The following HERC5 variants were observed in gnomAD, a reference collection of about 807,000 sequenced individuals.
HERC5 encodes HECT and RLD domain containing E3 ubiquitin protein ligase 5.
HERC5 carries 99 observed loss-of-function variants against 119.6 expected under a neutral mutation model. That is an observed-to-expected ratio of 0.83 (90% CI 0.70 to 0.98). The LOEUF is 0.98. Ranked by LOEUF, HERC5 falls within the 50% of genes least tolerant of loss-of-function variation. HERC5 has a pLI of 0.00. For missense variants in HERC5, 1,267 were observed against 1,241.3 expected (o/e 1.02, Z -0.31); for synonymous variants, 478 against 445.9 (o/e 1.07, Z -0.91).
chr4:88,501,117 T>C (rs2149109506), intron 20 of HERC5, 132 bp downstream of exon 20: 2 of 606,338 alleles, frequency 3.3e-6, no homozygotes, highest in Admixed American at 6.8e-5. Context: ...GAAGTTGGTG[T>C]GTGTTGTATG....
At chr4:88,492,418 T>C (rs1301167701) in intron 16 of HERC5, among the ~76,000 whole-genome samples, 2 of 152,068 alleles carry the variant, frequency 1.3e-5, no homozygotes, top group Non-Finnish European at 2.9e-5. Context: ...GTAAAAACTT[T>C]AGGCTCTGGG....
chr4:88,500,919 A>T lies in HERC5; in HGVS notation c.2516A>T (p.His839Leu). Residue 839 changes from histidine to leucine, a missense_variant, in exon 20 of 23, where the codon CAC (histidine) becomes CTC (leucine). Around this residue, in one of 3 missense-constraint regions of HERC5, gnomAD observed 473 missense variants for 445.7 expected, o/e 1.06. Coordinates refer to ENST00000264350, the MANE Select transcript of HERC5 (RefSeq NM_016323.4). Reference sequence around the variant, plus strand: ...TGAGTTCATTTGCGGTTACAGGTGCACTGGGACAGAAACGACACAAACTTA... The same window carrying T: ...TGAGTTCATTTGCGGTTACAGGTGCTCTGGGACAGAAACGACACAAACTTA... ...EEVFYIHFNVHWDRNDTNLIP... is the reference protein window; with the variant it reads ...EEVFYIHFNVLWDRNDTNLIP... The T allele has an allele frequency of 6.2e-7, 1 of 1,611,264 alleles. No individual in the cohort carries two copies. The highest frequency in any genetic ancestry group is 8.5e-7 in the Non-Finnish European group (1 of 1,178,680).
At chr4:88,503,477 A>C (rs914137428) in intron 20 of HERC5, among the ~76,000 whole-genome samples, 1 of 152,166 alleles carries the variant, frequency 6.6e-6, no homozygotes, top group Non-Finnish European at 1.5e-5. Flanking sequence ...AGTTACTAGG[A>C]GAGGTATATT....
chr4:88,497,079 C>T (rs1182602822), intron 18 of HERC5, among the ~76,000 whole-genome samples: 1 of 152,166 alleles, frequency 6.6e-6, no homozygotes, highest in Non-Finnish European at 1.5e-5. Context: ...TCCAAGCCTC[C>T]AGAACCGTGA....
rs771104355 is a variant in HERC5, at chr4:88,463,593, T to C, written c.750T>C (p.Cys250=). The C allele has an allele frequency of 3.1e-6, 5 of 1,613,688 alleles. No individual in the cohort carries two copies. Among genetic ancestry groups the C allele is most frequent in the Non-Finnish European group, 4.2e-6 (5 of 1,179,882 alleles). ...LDNQKVEFVA[C]GGSHSALLTQ... The stretch of plus-strand genomic sequence containing the variant: ...ATCAGAAAGTTGAATTTGTCGCTTG[T>C]GGTGGCTCTCACAGTGCCCTACTCA... The change falls in exon 5 of 23, where the codon TGT becomes TGC. Residue 250 remains cysteine, a synonymous_variant. Transcript: ENST00000264350.
intron 11 of HERC5, 47 bp downstream of exon 11, chr4:88,472,549 T>C (rs753049034): frequency 9.1e-7 from 1 of 1,100,178 alleles, no homozygotes; most frequent in East Asian, 2.4e-5. Context: ...CCAGAATATT[T>C]CTTAAAAGAA....
In HERC5 at chr4:88,462,150, C is replaced by G; in HGVS notation, c.482C>G (p.Ala161Gly). 6.2e-7 allele frequency: 1 copy of G among 1,613,638 alleles called. No homozygotes were observed. The highest frequency in any genetic ancestry group is 8.5e-7 in the Non-Finnish European group (1 of 1,179,864). The change falls in exon 4 of 23, where the codon GCC (alanine) becomes GGC (glycine). Residue 161 changes from alanine to glycine, a missense_variant. Coordinates refer to ENST00000264350, the MANE Select transcript of HERC5 (RefSeq NM_016323.4). ...LALSKGGELFAWGQNLHGQLG... is the reference protein window; with the variant it reads ...LALSKGGELFGWGQNLHGQLG... ...TTATGTCAAGGTGGTGAGCTTTTTG[C>G]CTGGGGACAGAACCTGCATGGGCAG...
chr4:88,486,992 G>T (rs1240672556), intron 14 of HERC5, 77 bp from the exon 15 acceptor site: 2 of 913,294 alleles, frequency 2.2e-6, no homozygotes, highest in African/African-American at 3.3e-5. Flanking sequence ...AACCATCAGG[G>T]ATGTAAGGCT....
chr4:88,495,004 T>G (rs1741757715), intron 18 of HERC5, among the ~76,000 whole-genome samples: 1 of 152,338 alleles, frequency 6.6e-6, no homozygotes, highest in South Asian at 2.1e-4. Flanking sequence ...TATAAATTGG[T>G]ACTCCTTTTC....
intron 12 of HERC5, among the ~76,000 whole-genome samples, chr4:88,477,989 C>T (rs1194470225): frequency 6.6e-6 from 1 of 152,198 alleles, no homozygotes; most frequent in East Asian, 1.9e-4. Context: ...ACTATTTCAT[C>T]TGCACAAAGA....
At chr4:88,475,484 A>G (rs1560604441) in intron 11 of HERC5, among the ~76,000 whole-genome samples, 1 of 151,780 alleles carries the variant, frequency 6.6e-6, no homozygotes, top group Non-Finnish European at 1.5e-5. Flanking sequence ...ACGCCCAGCT[A>G]ATTTTCATAT....
chr4:88,490,929 C>A (rs1741615417), intron 16 of HERC5, among the ~76,000 whole-genome samples: 1 of 152,098 alleles, frequency 6.6e-6, no homozygotes, highest in African/African-American at 2.4e-5. Flanking sequence ...CTAATGGACT[C>A]GTTATGTGAT....
chr4:88,457,310 G>T lies in HERC5; in HGVS notation c.41G>T (p.Arg14Leu). 1 of 1,378,372 alleles carries T rather than the reference G, an allele frequency of 7.3e-7. No homozygotes were observed. The highest frequency in any genetic ancestry group is 9.3e-7 in the Non-Finnish European group (1 of 1,070,076). The allele number at this position is 1,378,372 out of a possible 1,614,324, so 85.4% of individuals were successfully genotyped here. A position where few individuals can be genotyped will look rare whatever the true frequency, so the allele number is the denominator to read the frequency against. The change falls in exon 1 of 23, where the codon CGC becomes CTC. Residue 14 changes from arginine to leucine, a missense_variant. Physicochemically the swap from Arg to Leu is moderately radical, Grantham distance 102 (BLOSUM62 -2). Around this residue, in one of 3 missense-constraint regions of HERC5, gnomAD observed 777 missense variants for 758.0 expected, o/e 1.03. Coordinates refer to ENST00000264350, the MANE Select transcript of HERC5 (RefSeq NM_016323.4). ...CGGAGGAAGTCGCGGCGCAACGGGCGCTCGACCGCGGGCAAGGCCGCCGCG... is the reference window on the plus strand; with the variant it reads ...CGGAGGAAGTCGCGGCGCAACGGGCTCTCGACCGCGGGCAAGGCCGCCGCG... ...RSRRKSRRNG[R>L]STAGKAAATQ...
chr4:88,466,598 A>T (rs909875988), intron 6 of HERC5, among the ~76,000 whole-genome samples: 10 of 152,164 alleles, frequency 6.6e-5, no homozygotes, highest in African/African-American at 2.4e-4. Context: ...CACCAGCCAG[A>T]CCTCTCTGGG....
chr4:88,502,602 G>C (rs1225826552), intron 20 of HERC5, among the ~76,000 whole-genome samples: 1 of 152,120 alleles, frequency 6.6e-6, no homozygotes, highest in Non-Finnish European at 1.5e-5. Flanking sequence ...GGACTTGAAA[G>C]CTGTTAGTAA....
chr4:88,504,445 T>C, intron 21 of HERC5, 30 bp downstream of exon 21: 1 of 1,566,092 alleles, frequency 6.4e-7, no homozygotes, highest in Non-Finnish European at 8.7e-7. Flanking sequence ...TTGATTAAAT[T>C]CAGTTTTCCT....
At chr4:88,484,211 T>C (rs1345293699) in intron 13 of HERC5, among the ~76,000 whole-genome samples, 2 of 152,238 alleles carry the variant, frequency 1.3e-5, no homozygotes, top group Non-Finnish European at 2.9e-5. Context: ...AATTTCTTCA[T>C]TCTTTTCACA....
intron 6 of HERC5, among the ~76,000 whole-genome samples, 158 bp from the exon 7 acceptor site, chr4:88,466,901 A>T (rs1199233173): frequency 6.6e-6 from 1 of 152,210 alleles, no homozygotes; most frequent in African/African-American, 2.4e-5. Context: ...CTTTTCAGGT[A>T]CATGTTGATT....
At position 88,470,733 on chromosome 4, in the gene HERC5, A is replaced by G. The variant is rs139137489; in HGVS notation, c.1298+60A>G. 4 of 760,330 alleles carry G rather than the reference A, an allele frequency of 5.3e-6. No individual in the cohort carries two copies. In the East Asian group the frequency reaches 1.2e-4, roughly 23 times the overall value. The allele number at this position is 760,330 out of a possible 1,614,324, so 47.1% of individuals were successfully genotyped here. ...TATTAAGAGTACCGTGAAAGAGGAT[A>G]AAAAAATGATTGGAGAGTAAAATAG... On this transcript the variant is annotated intron_variant, in intron 10 of 22. Coordinates refer to ENST00000264350, the MANE Select transcript of HERC5 (RefSeq NM_016323.4).
Sources: allele counts gnomAD v4.1 joint callset (sites outside exome capture counted in the v4.1 genomes callset), GRCh38; gene constraint gnomAD v4.1.1; regional missense constraint gnomAD v4.1.1; transcripts MANE v1.5; gene names NCBI Gene and HGNC (gene_info 2026-07-23, HGNC 2026-07-21).